FAM135B: variants seen among roughly 807,000 people sequenced by gnomAD.
FAM135B encodes the protein family with sequence similarity 135 member B.
In FAM135B, 43 loss-of-function variants were observed where a neutral mutation model predicts 127.7. The observed-to-expected ratio is 0.34, with a 90% CI of 0.26 to 0.43. The LOEUF (loss-of-function observed/expected upper bound fraction) is 0.43, where lower values mean the gene tolerates loss of function less well. Ranked by LOEUF, FAM135B falls within the 20% of genes least tolerant of loss-of-function variation. The pLI is 1.00. For missense variants in FAM135B, 1,558 were observed against 1,725.6 expected, an observed-to-expected ratio of 0.90 and a Z score of 1.72; for synonymous variants, 670 against 665.1, an observed-to-expected ratio of 1.01 and a Z score of -0.11.
chr8:138,145,995 T>G lies in FAM135B; in HGVS notation c.3504A>C (p.Gly1168=), dbSNP rs1817617204. The G allele has an allele frequency of 1.2e-6, 2 of 1,610,668 alleles. No individual in the cohort carries two copies. Among genetic ancestry groups the G allele is most frequent in the Middle Eastern group, 1.7e-4 (1 of 6,056 alleles). The change falls in exon 15 of 20, where the codon GGA becomes GGC. Residue 1168 remains glycine (G), a synonymous_variant. Transcript: ENST00000395297. ...CAGACATTAGGAAGTCCAGTTTTCCTCCAGGGAGCCCCAGTTCTATGAAAG... is the reference window on the plus strand; with the variant it reads ...CAGACATTAGGAAGTCCAGTTTTCCGCCAGGGAGCCCCAGTTCTATGAAAG... ...VKTFIELGLP[G]GKLDFLMSEK... is the part of the protein sequence containing the mutation.
intron 2 of FAM135B, among the ~76,000 whole-genome samples, chr8:138,361,289 T>C (rs2131177822): frequency 6.6e-6 from 1 of 152,306 alleles, no homozygotes; most frequent in Non-Finnish European, 1.5e-5. Flanking sequence ...GAGCCACCAT[T>C]TGAGCAGCAT....
intron 1 of FAM135B, among the ~76,000 whole-genome samples, chr8:138,380,454 A>C (rs1172762722): frequency 1.3e-5 from 2 of 152,114 alleles, no homozygotes; most frequent in Non-Finnish European, 2.9e-5. Flanking sequence ...TCAGCCTCCC[A>C]AAGTGCTGGA....
At chr8:138,383,216 G>C (rs1831971684) in intron 1 of FAM135B, among the ~76,000 whole-genome samples, 1 of 152,230 alleles carries the variant, frequency 6.6e-6, no homozygotes, top group Non-Finnish European at 1.5e-5. Context: ...GGGGTACCCA[G>C]TGTCCTCACT....
chr8:138,383,446 G>A (rs1831992914), intron 1 of FAM135B, among the ~76,000 whole-genome samples: 1 of 152,238 alleles, frequency 6.6e-6, no homozygotes, highest in Non-Finnish European at 1.5e-5. Context: ...AGCTGATGTA[G>A]AGGTTGGTGG....
intron 9 of FAM135B, among the ~76,000 whole-genome samples, chr8:138,185,027 C>A (rs1284067699): frequency 6.6e-6 from 1 of 152,178 alleles, no homozygotes; most frequent in Non-Finnish European, 1.5e-5. Context: ...CCTGGGCAGG[C>A]TCTCAATAAG....
At chr8:138,225,455 CA>C (rs67074047) in intron 7 of FAM135B, among the ~76,000 whole-genome samples, 34,868 of 136,960 alleles carry the variant, frequency 0.25, 4,186 homozygotes, top group East Asian at 0.32. Context: ...GCCAAAAAAA[CA>C]AAAAAAAAAC....
chr8:138,464,659 T>G (rs1325972720), intron 1 of FAM135B, among the ~76,000 whole-genome samples: 1 of 152,150 alleles, frequency 6.6e-6, no homozygotes, highest in East Asian at 1.9e-4. Flanking sequence ...ATGGAAGGAT[T>G]TCAGGATATT....
intron 7 of FAM135B, among the ~76,000 whole-genome samples, chr8:138,237,935 A>G (rs183050100): frequency 1.3e-5 from 2 of 152,204 alleles, no homozygotes; most frequent in African/African-American, 4.8e-5. Flanking sequence ...AAACTAATAC[A>G]TCGAGCATGT....
rs534064364 is a variant in FAM135B, at chr8:138,132,461, G to T, written c.*132C>A. 4.1e-6 allele frequency: 3 copies of T among 729,896 alleles called. No individual in the cohort carries two copies. The highest frequency in any genetic ancestry group is 7.0e-6 in the Non-Finnish European group (3 of 427,444). 45.2% of individuals were successfully genotyped at this position (729,896 alleles called of 1,614,324 possible). A position where few individuals can be genotyped will look rare whatever the true frequency, so the allele number is the denominator to read the frequency against. ...AAAACAAAAGCACCTCTCATGTCAG[G>T]TTCCACCCGAGCCTCCGTCCCCCAA... is the stretch of plus-strand genomic sequence containing the variant. On this transcript the variant is annotated 3_prime_UTR_variant, in exon 20 of 20. Transcript: ENST00000395297. The surrounding 1 kb of genome is among the most constrained non-coding windows in gnomAD (Gnocchi z 4.5).
chr8:138,358,996 C>T (rs1830253161), intron 2 of FAM135B, among the ~76,000 whole-genome samples: 1 of 151,986 alleles, frequency 6.6e-6, no homozygotes, highest in Admixed American at 6.6e-5. Context: ...CTCAAAGCAG[C>T]AGGCTCATGA....
intron 1 of FAM135B, among the ~76,000 whole-genome samples, chr8:138,402,932 C>A (rs1215119696): frequency 6.6e-6 from 1 of 152,068 alleles, no homozygotes; most frequent in African/African-American, 2.4e-5. Flanking sequence ...AGATGAGTGA[C>A]CTTACAAGAA....
chr8:138,387,530 A>G (rs945247426), intron 1 of FAM135B, among the ~76,000 whole-genome samples: 10 of 152,188 alleles, frequency 6.6e-5, no homozygotes, highest in Non-Finnish European at 1.5e-4. Flanking sequence ...CAATGAATCC[A>G]GAACCTCACA....
intron 1 of FAM135B, among the ~76,000 whole-genome samples, chr8:138,393,242 T>C (rs1256695015): frequency 6.6e-6 from 1 of 152,128 alleles, no homozygotes; most frequent in Non-Finnish European, 1.5e-5. Context: ...TGAGATTTGG[T>C]TGGGGACATA....
intron 1 of FAM135B, among the ~76,000 whole-genome samples, chr8:138,467,547 T>G (rs893940571): frequency 2.6e-5 from 4 of 152,222 alleles, no homozygotes; most frequent in Non-Finnish European, 5.9e-5. Context: ...AGTATTGCCT[T>G]AGACCTCACT....
intron 18 of FAM135B, 117 bp downstream of exon 18, chr8:138,138,869 G>C (rs1375227391): frequency 2.9e-6 from 2 of 680,222 alleles, no homozygotes; most frequent in Non-Finnish European, 5.2e-6. Flanking sequence ...TGAGTGCTGG[G>C]CCTCCTGACT....
chr8:138,265,339 C>A (rs1342718321), intron 4 of FAM135B, among the ~76,000 whole-genome samples: 1 of 152,112 alleles, frequency 6.6e-6, no homozygotes, highest in Non-Finnish European at 1.5e-5. Context: ...CTGTCCCTTA[C>A]CCAAGGGTCC....
chr8:138,375,227 C>A (rs537331244), intron 1 of FAM135B, among the ~76,000 whole-genome samples: 5 of 146,738 alleles, frequency 3.4e-5, no homozygotes, highest in Non-Finnish European at 5.9e-5. Flanking sequence ...GACAAGAAAT[C>A]ACTTCTGAGA....
intron 1 of FAM135B, among the ~76,000 whole-genome samples, chr8:138,384,371 T>C (rs1832054504): frequency 6.6e-6 from 1 of 152,022 alleles, no homozygotes; most frequent in African/African-American, 2.4e-5. Context: ...TATTTATTTA[T>C]TTATTTATTT....
chr8:138,333,159 T>C (rs1029884075), intron 2 of FAM135B, among the ~76,000 whole-genome samples: 1 of 152,196 alleles, frequency 6.6e-6, no homozygotes, highest in Admixed American at 6.5e-5. Flanking sequence ...CTGTGCTGTG[T>C]AGGGATTAGC....
Sources: allele counts gnomAD v4.1 joint callset (sites outside exome capture counted in the v4.1 genomes callset), GRCh38; gene constraint gnomAD v4.1.1; non-coding constraint Gnocchi (gnomAD v3.1); transcripts MANE v1.5; gene names NCBI Gene and HGNC (gene_info 2026-07-23, HGNC 2026-07-21).